The following AGBL4 variants were observed in gnomAD, a reference collection of about 807,000 sequenced individuals.
AGBL4 encodes cytosolic carboxypeptidase 6.
Under a neutral mutation model 66.4 loss-of-function variants are expected in AGBL4, and 58 were observed. The observed-to-expected ratio is 0.87, with a 90% CI of 0.71 to 1.09. The LOEUF (loss-of-function observed/expected upper bound fraction) is 1.09. Ranked by LOEUF, AGBL4 falls within the 50% of genes least tolerant of loss-of-function variation. The pLI is 0.00. For synonymous variants in AGBL4, 234 were observed against 222.9 expected (o/e 1.05, Z -0.44); for missense variants, 579 against 631.0 (o/e 0.92, Z 0.88).
chr1:49,733,203 A>C (rs1261005825), intron 2 of AGBL4, among the ~76,000 whole-genome samples: 1 of 152,194 alleles, frequency 6.6e-6, no homozygotes, highest in Non-Finnish European at 1.5e-5. Flanking sequence ...CTTTTAAAAA[A>C]GAAGGAAAAG....
At chr1:48,889,028 A>C (rs945649173) in intron 5 of AGBL4, among the ~76,000 whole-genome samples, 4 of 152,224 alleles carry the variant, frequency 2.6e-5, no homozygotes, top group Non-Finnish European at 5.9e-5. Flanking sequence ...AAAGAAGCTA[A>C]AGGAGCCAAA....
intron 6 of AGBL4, among the ~76,000 whole-genome samples, chr1:48,834,524 C>T (rs1244303026): frequency 6.6e-6 from 1 of 151,890 alleles, no homozygotes; most frequent in Non-Finnish European, 1.5e-5. Flanking sequence ...GAGAGTTGGG[C>T]CCTCATGATG....
chr1:49,195,550 G>A (rs1483507256), intron 4 of AGBL4, among the ~76,000 whole-genome samples: 1 of 151,970 alleles, frequency 6.6e-6, no homozygotes, highest in Non-Finnish European at 1.5e-5. Context: ...TTCCTTTATT[G>A]GTGACTAGAT....
intron 4 of AGBL4, among the ~76,000 whole-genome samples, chr1:49,092,831 T>C (rs891047086): frequency 1.3e-5 from 2 of 152,128 alleles, no homozygotes; most frequent in Admixed American, 1.3e-4. Flanking sequence ...TTTCTCCTTT[T>C]CTGAACACTG....
intron 3 of AGBL4, among the ~76,000 whole-genome samples, chr1:49,603,669 A>G (rs969225488): frequency 1.4e-4 from 22 of 152,280 alleles, no homozygotes; most frequent in Admixed American, 7.2e-4. Context: ...TTACATTACA[A>G]GTGGTGTACA....
At chr1:49,672,921 C>CAAAAAAA (rs60612868) in intron 3 of AGBL4, among the ~76,000 whole-genome samples, 6 of 47,060 alleles carry the variant, frequency 1.3e-4, no homozygotes, top group Non-Finnish European at 2.0e-4. Context: ...AACTCCATCT[C>CAAAAAAA]AAAAAAAAAA....
At chr1:49,919,234 G>A (rs1229578613) in intron 1 of AGBL4, among the ~76,000 whole-genome samples, 1 of 152,132 alleles carries the variant, frequency 6.6e-6, no homozygotes, top group African/African-American at 2.4e-5. Flanking sequence ...GTTCTGGCCA[G>A]GGCAATCAGG....
intron 11 of AGBL4, among the ~76,000 whole-genome samples, chr1:48,550,053 T>C (rs115635055): frequency 1.6e-3 from 246 of 152,262 alleles, no homozygotes; most frequent in Non-Finnish European, 2.7e-3. Flanking sequence ...AGGTATTTCC[T>C]GAAAGGCTCA....
At chr1:49,755,980 C>A (rs190742738) in intron 2 of AGBL4, among the ~76,000 whole-genome samples, 1 of 152,288 alleles carries the variant, frequency 6.6e-6, no homozygotes, top group East Asian at 1.9e-4. Flanking sequence ...ACAATACATT[C>A]AATATTTCCC....
downstream of AGBL4, among the ~76,000 whole-genome samples, chr1:48,532,560 C>G (rs1168084183): frequency 6.6e-6 from 1 of 152,142 alleles, no homozygotes; most frequent in Non-Finnish European, 1.5e-5. Flanking sequence ...AGACTATTGC[C>G]TCTCTCATCT....
At chr1:49,960,667 A>G (rs1474418682) in intron 1 of AGBL4, among the ~76,000 whole-genome samples, 3 of 152,148 alleles carry the variant, frequency 2.0e-5, no homozygotes, top group South Asian at 2.1e-4. Flanking sequence ...ATCACTGTGT[A>G]TCTCATGGAT....
chr1:49,454,577 G>A (rs747280377), intron 3 of AGBL4, among the ~76,000 whole-genome samples: 6 of 151,740 alleles, frequency 4.0e-5, no homozygotes. Context: ...GGCTGGGATT[G>A]AGGAGTTTTC....
chr1:49,701,263 G>C (rs1414458850), intron 2 of AGBL4, among the ~76,000 whole-genome samples: 1 of 151,764 alleles, frequency 6.6e-6, no homozygotes, highest in Non-Finnish European at 1.5e-5. Context: ...CTGCACTCCA[G>C]CCTGGGTAAC....
At chr1:48,969,157 C>T (rs1199228024) in intron 5 of AGBL4, among the ~76,000 whole-genome samples, 1 of 131,102 alleles carries the variant, frequency 7.6e-6, no homozygotes, top group African/African-American at 2.8e-5. Flanking sequence ...CTCTCTCTTT[C>T]ATTAAATTAG....
At chr1:49,545,970 GCACCCAT>G (rs1196161186) in intron 3 of AGBL4, among the ~76,000 whole-genome samples, 1 of 152,096 alleles carries the variant, frequency 6.6e-6, no homozygotes, top group Non-Finnish European at 1.5e-5. Flanking sequence ...AGAATTGGAT[GCACCCAT>G]CACCCGAGCA....
At chr1:49,789,462 A>G (rs1412588352) in intron 2 of AGBL4, among the ~76,000 whole-genome samples, 2 of 152,234 alleles carry the variant, frequency 1.3e-5, no homozygotes, top group Non-Finnish European at 1.5e-5. Context: ...AAAGTCCTTA[A>G]GCTGATAAGC....
At chr1:48,722,316 T>C (rs1436215464) in intron 6 of AGBL4, among the ~76,000 whole-genome samples, 2 of 152,036 alleles carry the variant, frequency 1.3e-5, no homozygotes, top group Non-Finnish European at 2.9e-5. Context: ...TTTTACAAAA[T>C]TAAAGGATGG....
intron 1 of AGBL4, among the ~76,000 whole-genome samples, chr1:49,923,364 C>G (rs1401479142): frequency 6.6e-6 from 1 of 152,026 alleles, no homozygotes; most frequent in African/African-American, 2.4e-5. Flanking sequence ...TATAAAATCC[C>G]TAGAAGAAAA....
rs1218403430 is a variant in AGBL4, at chr1:49,642,152, G to A, written c.282+55161C>T. 2.6e-5 allele frequency among the ~76,000 whole-genome samples: 4 copies of A among 151,822 alleles called. No homozygotes were observed. In the South Asian group the frequency reaches 6.2e-4, roughly 24 times the overall value. On this transcript the variant is annotated intron_variant, in intron 3 of 13. Coordinates refer to ENST00000371839, the MANE Select transcript of AGBL4 (RefSeq NM_032785.4). ...CAATAATATATAAATACTTCTTAAAGGAAAAAAAGGTTTTAAAATTCAAGA... is the reference window on the plus strand; with the variant it reads ...CAATAATATATAAATACTTCTTAAAAGAAAAAAAGGTTTTAAAATTCAAGA...
Sources: gnomAD v4.1 joint callset for allele counts (sites outside exome capture counted in the v4.1 genomes callset) on GRCh38, gnomAD v4.1.1 for gene constraint, MANE v1.5 for transcripts, NCBI Gene and HGNC (gene_info 2026-07-23, HGNC 2026-07-21) for gene names.